Variants in NBPF26 observed in about 807,000 individuals in gnomAD.
The protein encoded by NBPF26 is NBPF member 26, also known as NBPF family member NBPF26.
A neutral mutation model predicts 119.6 loss-of-function variants in NBPF26; 79 were observed. The observed-to-expected ratio is 0.66, with a 90% CI of 0.55 to 0.80. The LOEUF (loss-of-function observed/expected upper bound fraction) is 0.80, where lower values mean the gene tolerates loss of function less well. Ranked by LOEUF, NBPF26 falls within the 30% of genes least tolerant of loss-of-function variation. The probability of loss-of-function intolerance (pLI) is 0.00; values close to 1 mark genes in which losing one functional copy is unlikely to be tolerated. For missense variants in NBPF26, 800 were observed against 1,198.2 expected (o/e 0.67, Z 4.91); for synonymous variants, 299 against 457.7 (o/e 0.65, Z 4.43).
Position 120,793,367 on chromosome 1 carries a change from C to T in NBPF26, c.622C>T (p.Gln208Ter). The T allele has an allele frequency of 1.4e-6, 2 of 1,428,736 alleles. 1 individual carries two copies. Among genetic ancestry groups the T allele is most frequent in the Non-Finnish European group, 1.9e-6 (2 of 1,067,770 alleles). The allele number at this position is 1,428,736 out of a possible 1,614,324, so 88.5% of individuals were successfully genotyped here. ...CAACCTGCCTGGTTCCTACCAGTGC[C>T]AGTGCCTTCAGGGCTTCACAGGCCA... The change falls in exon 4 of 30, where the codon CAG becomes TAG. Residue 208 changes from glutamine to a stop codon, truncating the protein, a stop_gained. Coordinates refer to ENST00000620612, the Ensembl canonical transcript of NBPF26. LOFTEE classifies it high-confidence loss of function.
chr1:120,758,630 A>C (rs1651101135), intron 1 of NBPF26, among the ~76,000 whole-genome samples: 1 of 96,852 alleles, frequency 1.0e-5, no homozygotes, highest in Non-Finnish European at 1.9e-5. Context: ...TTCTTATTTA[A>C]AACAGCTGAG....
rs1166011742 is a variant in NBPF26 at position 120,776,122 on chromosome 1, G to C, written c.156-8852G>C. 5.0e-4 allele frequency among the ~76,000 whole-genome samples: 58 copies of C among 116,760 alleles called. 15 individuals are homozygous for C. Among genetic ancestry groups the C allele is most frequent in the Admixed American group, 4.7e-3 (57 of 12,232 alleles). 76.6% of individuals were successfully genotyped at this position (116,760 alleles called of 152,430 possible). On this transcript the variant is annotated intron_variant, in intron 2 of 29. Coordinates refer to ENST00000620612, the Ensembl canonical transcript of NBPF26. ...CCTTTTGCTTCTGCACTGAATAGTT[G>C]AATGCCTTCTATATGCCAGTCATTG...
At chr1:120,751,753 T>A (rs1651022682) in intron 1 of NBPF26, among the ~76,000 whole-genome samples, 1 of 1,714 alleles carries the variant, frequency 5.8e-4, no homozygotes. Context: ...TTTTCTTTTC[T>A]TTCTTTTCTC....
In NBPF26 at chr1:120,755,665, A is replaced by AT. The variant is rs1237405045; in HGVS notation, c.74-7956dup. On this transcript the variant is annotated intron_variant, in intron 1 of 29. Coordinates refer to ENST00000620612, the Ensembl canonical transcript of NBPF26. Reference sequence around the variant, plus strand: ...CTAGATTTATCAGCTAACTGGAATGATTTTTTTATAGTATGAAAAGTCTAT... The same window carrying AT: ...CTAGATTTATCAGCTAACTGGAATGATTTTTTTTATAGTATGAAAAGTCTAT... 5.4e-4 allele frequency among the ~76,000 whole-genome samples: 50 copies of AT among 91,800 alleles called. 6 individuals carry two copies. Among genetic ancestry groups the AT allele is most frequent in the Non-Finnish European group, 7.6e-4 (39 of 51,546 alleles). The allele number at this position is 91,800 out of a possible 152,430, so 60.2% of individuals were successfully genotyped here.
Position 120,811,947 on chromosome 1 carries a change from C to G in NBPF26, c.1626C>G (p.Ser542=). The change falls in exon 10 of 30, where the codon TCC becomes TCG. Residue 542 remains serine (S), a synonymous_variant. Transcript: ENST00000620612. ...TGGTGGTATCAGCCGGCCCTTTGTCCGGCGAGAAGGCAGCGATAAACATTC... is the reference window on the plus strand; with the variant it reads ...TGGTGGTATCAGCCGGCCCTTTGTCGGGCGAGAAGGCAGCGATAAACATTC... 5 of 1,217,338 alleles carry G rather than the reference C, an allele frequency of 4.1e-6. 1 individual carries two copies. Among genetic ancestry groups the G allele is most frequent in the Non-Finnish European group, 3.4e-6 (3 of 879,012 alleles). 75.4% of individuals were successfully genotyped at this position (1,217,338 alleles called of 1,614,324 possible).
chr1:120,790,540 CTT>C (rs1651476632), intron 3 of NBPF26, among the ~76,000 whole-genome samples: 1 of 48,056 alleles, frequency 2.1e-5, no homozygotes, highest in Non-Finnish European at 3.8e-5. Flanking sequence ...CCCTCCCTTT[CTT>C]TCTTTCTTTC....
Position 120,840,542 on chromosome 1 carries a change from G to A in NBPF26, c.4296G>A (p.Thr1432=), listed in dbSNP as rs1553273557. 4.2e-5 allele frequency: 61 copies of A among 1,468,546 alleles called. 9 individuals are homozygous for A. Among genetic ancestry groups the A allele is most frequent in the Middle Eastern group, 2.4e-4 (1 of 4,178 alleles). 91.0% of individuals were successfully genotyped at this position (1,468,546 alleles called of 1,614,324 possible). The change falls in exon 30 of 30, where the codon ACG becomes ACA. Residue 1432 remains threonine (T), a synonymous_variant. Transcript: ENST00000620612. ...TGGACAATAGGTTTTTTACTTTGACGGTGACAAGTCTCCACCTGGTGTTCC... is the reference window on the plus strand; with the variant it reads ...TGGACAATAGGTTTTTTACTTTGACAGTGACAAGTCTCCACCTGGTGTTCC...
At chr1:120,752,563 TTTTTTTTTTTTC>T (rs1651034525) in intron 1 of NBPF26, among the ~76,000 whole-genome samples, 11 of 28,316 alleles carry the variant, frequency 3.9e-4, no homozygotes, top group Non-Finnish European at 3.5e-4. Flanking sequence ...TATTTTTTTT[TTTTTTTTTTTTC>T]TTTTTTTTTT....
intron 1 of NBPF26, among the ~76,000 whole-genome samples, chr1:120,752,575 CTTTTTTTTTTTT>C (rs1328418490): frequency 6.6e-4 from 10 of 15,160 alleles, no homozygotes; most frequent in African/African-American, 2.9e-3. Flanking sequence ...TTTTTTTTTT[CTTTTTTTTTTTT>C]TCAGGCAGAG....
intron 5 of NBPF26, among the ~76,000 whole-genome samples, chr1:120,807,193 A>G (rs1317061453): frequency 7.9e-6 from 1 of 127,054 alleles, no homozygotes; most frequent in Non-Finnish European, 1.6e-5. Flanking sequence ...TACCCAGTAA[A>G]AGGGAAACCA....
rs1174075434 is a variant in NBPF26 at position 120,804,892 on chromosome 1, C to T, written c.752-664C>T. Among the ~76,000 whole-genome samples, 5 of 120,032 alleles carry T rather than the reference C, an allele frequency of 4.2e-5. 1 individual carries two copies. The highest frequency in any genetic ancestry group is 9.1e-5 in the African/African-American group (2 of 22,042). The allele number at this position is 120,032 out of a possible 152,430, so 78.7% of individuals were successfully genotyped here. On this transcript the variant is annotated intron_variant, in intron 4 of 29. Transcript: ENST00000620612. ...CACTTTCTAGTGGATACAGAAAAAACTGCAGAAGACCCGGAGGATATCAGG... is the reference window on the plus strand; with the variant it reads ...CACTTTCTAGTGGATACAGAAAAAATTGCAGAAGACCCGGAGGATATCAGG...
rs1249348818 is a variant in NBPF26 at position 120,766,606 on chromosome 1, C to A, written c.155+2897C>A. Among the ~76,000 whole-genome samples, 4 of 15,670 alleles carry A rather than the reference C, an allele frequency of 2.6e-4. 2 individuals carry two copies. The highest frequency in any genetic ancestry group is 2.6e-3 in the African/African-American group (2 of 770). The allele number at this position is 15,670 out of a possible 152,430, so 10.3% of individuals were successfully genotyped here. Reference sequence around the variant, plus strand: ...CGGAGCTTGCAGTGAGCCAAGATTGCACCACTGCACTCCAGCCTGAGCGAC... The same window carrying A: ...CGGAGCTTGCAGTGAGCCAAGATTGAACCACTGCACTCCAGCCTGAGCGAC... On this transcript the variant is annotated intron_variant, in intron 2 of 29. Transcript: ENST00000620612.
chr1:120,816,929 G>C, intron 14 of NBPF26, 102 bp downstream of exon 14: 1 of 1,142,676 alleles, frequency 8.8e-7, no homozygotes, highest in Non-Finnish European at 1.2e-6. Context: ...ATAAAAAACT[G>C]TGATGGGTTT....
chr1:120,805,548 C>T lies in NBPF26; in HGVS notation c.752-8C>T, dbSNP rs1651661038. The stretch of plus-strand genomic sequence containing the variant: ...AACCCATCATATGTTTGGGTTTCTT[C>T]TCCCCAGTCCCTGACTCCACCTCTT... On this transcript the variant is annotated splice_region_variant and splice_polypyrimidine_tract_variant and intron_variant, in intron 4 of 29. Coordinates refer to ENST00000620612, the Ensembl canonical transcript of NBPF26. 2 of 1,337,870 alleles carry T rather than the reference C, an allele frequency of 1.5e-6. No homozygotes were observed. The highest frequency in any genetic ancestry group is 2.2e-5 in the African/African-American group (1 of 46,196). 82.9% of individuals were successfully genotyped at this position (1,337,870 alleles called of 1,614,324 possible).
chr1:120,805,830 T>G lies in NBPF26; in HGVS notation c.961+65T>G. The G allele has an allele frequency of 6.8e-6, 8 of 1,171,562 alleles. 1 individual carries two copies. Among genetic ancestry groups the G allele is most frequent in the Non-Finnish European group, 9.5e-6 (8 of 839,566 alleles). 72.6% of individuals were successfully genotyped at this position (1,171,562 alleles called of 1,614,324 possible). A position where few individuals can be genotyped will look rare whatever the true frequency, so the allele number is the denominator to read the frequency against. On this transcript the variant is annotated intron_variant, in intron 5 of 29. Coordinates refer to ENST00000620612, the Ensembl canonical transcript of NBPF26. ...ATATCCTGTCTTCTCTCTGAGACACTAAATGCTCTCTCCATCAAAAAGAAT... is the reference window on the plus strand; with the variant it reads ...ATATCCTGTCTTCTCTCTGAGACACGAAATGCTCTCTCCATCAAAAAGAAT...
chr1:120,784,910 A>G, intron 2 of NBPF26, 64 bp from the exon 3 acceptor site: 2 of 1,010,622 alleles, frequency 2.0e-6, no homozygotes, highest in Non-Finnish European at 2.9e-6. Flanking sequence ...GTATTGTTTT[A>G]CTGTAATTTT....
chr1:120,822,029 A>C, intron 15 of NBPF26, 75 bp from the exon 16 acceptor site: 1 of 1,436,498 alleles, frequency 7.0e-7, no homozygotes, highest in Non-Finnish European at 9.3e-7. Context: ...CTCCCATCAG[A>C]TCATCTGGGA....
At chr1:120,823,748 C>T (rs1182473163) in intron 17 of NBPF26, among the ~76,000 whole-genome samples, 2 of 37,816 alleles carry the variant, frequency 5.3e-5, no homozygotes, top group Non-Finnish European at 1.0e-4. Flanking sequence ...TCACTGAGCT[C>T]GCTCTGTGTG....
exon 3 of NBPF26, chr1:120,785,067 C>T (rs1176480602): frequency 6.2e-6 from 9 of 1,445,892 alleles, no homozygotes; most frequent in Non-Finnish European, 7.4e-6. Context: ...TGGCCCAGGC[C>T]ATGCTGGGGA....
Sources: allele counts gnomAD v4.1 joint callset (sites outside exome capture counted in the v4.1 genomes callset), GRCh38; gene constraint gnomAD v4.1.1; transcripts MANE v1.5; gene names NCBI Gene and HGNC (gene_info 2026-07-23, HGNC 2026-07-21).